AKAP6: variants seen among roughly 807,000 people sequenced by gnomAD.
AKAP6 encodes A-kinase anchor protein 6.
A neutral mutation model predicts 188.5 loss-of-function variants in AKAP6; 58 were observed. The observed-to-expected ratio is 0.31, with a 90% CI of 0.25 to 0.38. The LOEUF is 0.38. Ranked by LOEUF, AKAP6 falls within the 10% of genes least tolerant of loss-of-function variation. The pLI is 1.00. For synonymous variants in AKAP6, 989 were observed against 998.6 expected, an observed-to-expected ratio of 0.99 and a Z score of 0.18; for missense variants, 2,710 against 2,740.0, an observed-to-expected ratio of 0.99 and a Z score of 0.24.
intron 1 of AKAP6, among the ~76,000 whole-genome samples, chr14:32,383,823 A>T (rs1888445312): frequency 6.6e-6 from 1 of 152,176 alleles, no homozygotes; most frequent in South Asian, 2.1e-4. Context: ...AACGGTCATC[A>T]TCTGTTCCAA....
Position 32,824,620 on chromosome 14 carries a change from TGCTGCTTCA to T in AKAP6, c.6810_6818del (p.Ala2271_Ala2273del). On this transcript the variant is annotated inframe_deletion, in exon 13 of 14. Coordinates refer to ENST00000280979, the MANE Select transcript of AKAP6 (RefSeq NM_004274.5). Reference sequence around the variant, plus strand: ...AATCTGGAATGCCAGAAGAACATAATGCTGCTTCAGCCAAATCTAAAGTTCAAGACCTCT... The same window carrying T: ...AATCTGGAATGCCAGAAGAACATAATGCCAAATCTAAAGTTCAAGACCTCT... The T allele has an allele frequency of 6.2e-7, 1 of 1,613,952 alleles. No individual in the cohort carries two copies. The highest frequency in any genetic ancestry group is 8.5e-7 in the Non-Finnish European group (1 of 1,179,930).
chr14:32,535,005 A>G, intron 2 of AKAP6, among the ~76,000 whole-genome samples: 1 of 147,226 alleles, frequency 6.8e-6, no homozygotes, highest in East Asian at 2.0e-4. Context: ...AAAAAAAAAA[A>G]CACTGAATTT....
At chr14:32,505,037 C>T (rs1378664415) in intron 2 of AKAP6, among the ~76,000 whole-genome samples, 1 of 152,128 alleles carries the variant, frequency 6.6e-6, no homozygotes, top group Non-Finnish European at 1.5e-5. Context: ...AGCCTGATAT[C>T]AATGGTGCAA....
In AKAP6 at chr14:32,511,860, T is replaced by G. The variant is rs115296361; in HGVS notation, c.325-23694T>G. Among the ~76,000 whole-genome samples, 1,482 of 152,284 alleles carry G rather than the reference T, an allele frequency of 9.7e-3. 22 individuals are homozygous for G. The highest frequency in any genetic ancestry group is 0.034 in the African/African-American group (1,398 of 41,552). ...AAATTTTATCTTTAATAGTGTACCT[T>G]ACTATTTGTAAGTCACCTGCCTTCT... On this transcript the variant is annotated intron_variant, in intron 2 of 13. Transcript: ENST00000280979.
At chr14:32,348,417 C>CT (rs71115063) in intron 1 of AKAP6, among the ~76,000 whole-genome samples, 10,875 of 126,124 alleles carry the variant, frequency 0.086, 677 homozygotes, top group Middle Eastern at 0.13. Flanking sequence ...TCTTTTGTTT[C>CT]TTTTTTTTTT....
chr14:32,614,986 T>C (rs933038428), intron 7 of AKAP6, among the ~76,000 whole-genome samples: 1 of 151,508 alleles, frequency 6.6e-6, no homozygotes, highest in Non-Finnish European at 1.5e-5. Flanking sequence ...CTGGCCAACA[T>C]GGTGAAACCC....
rs568854272 is a variant in AKAP6, at chr14:32,426,924, C to T, written c.-34-6536C>T. On this transcript the variant is annotated intron_variant, in intron 1 of 13. Coordinates refer to ENST00000280979, the MANE Select transcript of AKAP6 (RefSeq NM_004274.5). ...GTTATGGTTGACAGCAGACTGTGTT[C>T]TGGGCAAGGGAGTTAGCGGGTATTT... Among the ~76,000 whole-genome samples the T allele has an allele frequency of 4.6e-5, 7 of 152,164 alleles. No individual in the cohort carries two copies. In the South Asian group the frequency reaches 1.5e-3, roughly 32 times the overall value.
chr14:32,485,971 ATCCATCTTGAG>A (rs1207805549), intron 2 of AKAP6, among the ~76,000 whole-genome samples: 1 of 152,152 alleles, frequency 6.6e-6, no homozygotes, highest in Non-Finnish European at 1.5e-5. Flanking sequence ...TAAATCTTCA[ATCCATCTTGAG>A]TTAATTTTTG....
At chr14:32,724,899 C>T (rs940942095) in intron 9 of AKAP6, among the ~76,000 whole-genome samples, 9 of 140,496 alleles carry the variant, frequency 6.4e-5, no homozygotes, top group Middle Eastern at 3.8e-3. Context: ...CCAATAGATC[C>T]GTGGGGCTTG....
chr14:32,377,471 C>T (rs921354645), intron 1 of AKAP6, among the ~76,000 whole-genome samples: 37 of 151,896 alleles, frequency 2.4e-4, no homozygotes, highest in Admixed American at 2.1e-3. Flanking sequence ...TCATGTGGCT[C>T]GTCACTCCCA....
intron 2 of AKAP6, among the ~76,000 whole-genome samples, chr14:32,461,872 T>C (rs1891337189): frequency 6.6e-6 from 1 of 151,946 alleles, no homozygotes; most frequent in Non-Finnish European, 1.5e-5. Flanking sequence ...ATAACTACTT[T>C]AGAGAGGAAC....
At chr14:32,585,670 T>C (rs891223640) in intron 5 of AKAP6, among the ~76,000 whole-genome samples, 3 of 152,242 alleles carry the variant, frequency 2.0e-5, no homozygotes, top group African/African-American at 7.2e-5. Context: ...CTAACAATTT[T>C]AATCAGTAAA....
intron 2 of AKAP6, among the ~76,000 whole-genome samples, chr14:32,464,281 G>A (rs6571524): frequency 0.38 from 57,555 of 151,912 alleles, 14,314 homozygotes; most frequent in African/African-American, 0.71. Flanking sequence ...GCCTGGCAGG[G>A]ACACAACAAA....
In AKAP6 at chr14:32,396,253, G is replaced by A. The variant is rs140410417; in HGVS notation, c.-34-37207G>A. On this transcript the variant is annotated intron_variant, in intron 1 of 13. Transcript: ENST00000280979. Reference sequence around the variant, plus strand: ...GCAATTCAATGCTGAGGGGTTTGTGGTCATGGCTTGCCAGCCTCATGGTGT... The same window carrying A: ...GCAATTCAATGCTGAGGGGTTTGTGATCATGGCTTGCCAGCCTCATGGTGT... 6.6e-5 allele frequency among the ~76,000 whole-genome samples: 10 copies of A among 152,276 alleles called. No individual in the cohort carries two copies. In the East Asian group the frequency reaches 1.9e-3, roughly 29 times the overall value.
At chr14:32,521,990 G>A (rs1245328835) in intron 2 of AKAP6, among the ~76,000 whole-genome samples, 1 of 152,128 alleles carries the variant, frequency 6.6e-6, no homozygotes, top group Non-Finnish European at 1.5e-5. Context: ...CCAAAACAGA[G>A]TTATAGACCA....
At chr14:32,711,384 G>A (rs576668098) in intron 9 of AKAP6, among the ~76,000 whole-genome samples, 20 of 151,962 alleles carry the variant, frequency 1.3e-4, no homozygotes, top group Non-Finnish European at 2.5e-4. Flanking sequence ...CTTCTCTGGC[G>A]GCTTGACTGC....
At chr14:32,743,611 A>G (rs1453400850) in intron 11 of AKAP6, among the ~76,000 whole-genome samples, 1 of 152,192 alleles carries the variant, frequency 6.6e-6, no homozygotes, top group African/African-American at 2.4e-5. Flanking sequence ...GCTGATAACA[A>G]CAATACTGTT....
chr14:32,393,894 A>C (rs903182908), intron 1 of AKAP6, among the ~76,000 whole-genome samples: 2 of 152,146 alleles, frequency 1.3e-5, no homozygotes, highest in South Asian at 4.1e-4. Flanking sequence ...GGCAAATTTG[A>C]ATATAAGTAA....
At chr14:32,740,241 C>T (rs1453786499) in intron 11 of AKAP6, among the ~76,000 whole-genome samples, 4 of 151,730 alleles carry the variant, frequency 2.6e-5, no homozygotes, top group Admixed American at 6.6e-5. Context: ...TTTCCCTATA[C>T]AGTTGTTTGA....
Sources: allele counts gnomAD v4.1 joint callset (sites outside exome capture counted in the v4.1 genomes callset), GRCh38; gene constraint gnomAD v4.1.1; transcripts MANE v1.5; gene names NCBI Gene and HGNC (gene_info 2026-07-23, HGNC 2026-07-21).